The following PCED1A variants were observed in gnomAD, a reference collection of about 807,000 sequenced individuals.
The protein encoded by PCED1A is PC-esterase domain-containing protein 1A.
A neutral mutation model predicts 41.9 loss-of-function variants in PCED1A; 20 were observed. The observed-to-expected ratio is 0.48, with a 90% CI of 0.34 to 0.69. The LOEUF (loss-of-function observed/expected upper bound fraction) is 0.69, where lower values mean the gene tolerates loss of function less well. Ranked by LOEUF, PCED1A falls within the 30% of genes least tolerant of loss-of-function variation. PCED1A has a pLI of 0.01. For synonymous variants in PCED1A, 236 were observed against 241.3 expected, an observed-to-expected ratio of 0.98 and a Z score of 0.20; for missense variants, 498 against 602.1, an observed-to-expected ratio of 0.83 and a Z score of 1.81.
chr20:2,840,639 A>C lies in PCED1A; in HGVS notation c.-450T>G, dbSNP rs1257530163. 2 of 956,992 alleles carry C rather than the reference A, an allele frequency of 2.1e-6. No individual in the cohort carries two copies. The highest frequency in any genetic ancestry group is 4.2e-5 in the Admixed American group (2 of 47,268). 59.3% of individuals were successfully genotyped at this position (956,992 alleles called of 1,614,324 possible). ...GGGGTCTCGGGGCGGCAGCCAAGTG[A>C]GGCTGCCCACAGTGGTGATGGCCGC... On this transcript the variant is annotated 5_prime_UTR_variant, in exon 1 of 8. Transcript: ENST00000360652.
chr20:2,840,857 C>T, upstream of PCED1A: 2 of 1,540,992 alleles, frequency 1.3e-6, no homozygotes, highest in South Asian at 2.4e-5. Context: ...CGCCCACGGC[C>T]TGGCTTACCC....
At chr20:2,840,999 C>A (rs900421474), upstream of PCED1A, 1 of 621,794 alleles carries the variant, frequency 1.6e-6, no homozygotes, top group Admixed American at 3.1e-5. Context: ...GGGAGCCGGG[C>A]CTTCCCCTGC....
Position 2,840,205 on chromosome 20 carries a change from A to G in PCED1A, c.-22+6T>C, listed in dbSNP as rs1343036917. 3.3e-6 allele frequency: 1 copy of G among 303,202 alleles called. No individual in the cohort carries two copies. Among genetic ancestry groups the G allele is most frequent in the Admixed American group, 5.3e-5 (1 of 18,956 alleles). The allele number at this position is 303,202 out of a possible 1,614,324, so 18.8% of individuals were successfully genotyped here. ...GCGCATGCGCGCACCCGCTCGCGCC[A>G]ATTACCAAGTCCCGGGGCTCCGCGG... is the stretch of plus-strand genomic sequence containing the variant. On this transcript the variant is annotated splice_donor_region_variant and intron_variant, in intron 1 of 7. Coordinates refer to ENST00000360652, the MANE Select transcript of PCED1A (RefSeq NM_022760.6).
chr20:2,838,454 G>A lies in PCED1A; in HGVS notation c.619C>T (p.Arg207Trp), dbSNP rs771637059. 5.6e-6 allele frequency: 9 copies of A among 1,614,222 alleles called. No individual in the cohort carries two copies. The highest frequency in any genetic ancestry group is 1.7e-5 in the Admixed American group (1 of 60,030). The change falls in exon 6 of 8, where the codon CGG becomes TGG. Residue 207 changes from arginine (R) to tryptophan (W), a missense_variant. By Grantham distance (101) the Arg-to-Trp change is moderately radical. Transcript: ENST00000360652. The surrounding 1 kb of genome is among the most constrained non-coding windows in gnomAD (Gnocchi z 5.8). Reference sequence around the variant, plus strand: ...AAGTTCCCTTCAACCACATCCCGCCGCAGGGAGCCTGCCAGGGGCTGGAGC... The same window carrying A: ...AAGTTCCCTTCAACCACATCCCGCCACAGGGAGCCTGCCAGGGGCTGGAGC... ...PELQPLAGSLRRDVVEGNFYS... is the reference protein window; with the variant it reads ...PELQPLAGSLWRDVVEGNFYS...
In PCED1A at chr20:2,838,713, C is replaced by T. The variant is rs1242061597; in HGVS notation, c.477G>A (p.Glu159=). 2.5e-6 allele frequency: 4 copies of T among 1,614,204 alleles called. No homozygotes were observed. In the Admixed American group the frequency reaches 5.0e-5, roughly 20 times the overall value. ...YGRCSMESYR[E]NLERVFVRMD... is the part of the protein sequence containing the mutation. ...TGCGCACAAACACCCGCTCCAGGTT[C>T]TCCCGGTAGCTCTCCATTGAGCAGC... Residue 159 remains glutamate (E), a synonymous_variant, in exon 5 of 8, where the codon GAG becomes GAA. Transcript: ENST00000360652. This position sits in a 1 kb window ranked among gnomAD's most constrained non-coding sequence, Gnocchi z 5.8.
chr20:2,840,835 G>GGGGCC, upstream of PCED1A: 14 of 1,523,518 alleles, frequency 9.2e-6, no homozygotes, highest in Non-Finnish European at 1.1e-5. Context: ...CCGGTGAGCT[G>GGGGCC]CCCCGCCCTC....
At chr20:2,840,744 C>G (rs1485738250), upstream of PCED1A, 4 of 1,547,248 alleles carry the variant, frequency 2.6e-6, no homozygotes, top group African/African-American at 4.1e-5. Flanking sequence ...GGTGTCCCCT[C>G]GGTGCTTCCC....
upstream of PCED1A, chr20:2,840,835 G>GCGCCCCCC: frequency 4.6e-6 from 7 of 1,524,166 alleles, no homozygotes; most frequent in Non-Finnish European, 5.3e-6. Flanking sequence ...CCGGTGAGCT[G>GCGCCCCCC]CCCCGCCCTC....
chr20:2,840,835 G>GCGGC, upstream of PCED1A: 3 of 1,524,298 alleles, frequency 2.0e-6, no homozygotes, highest in Non-Finnish European at 2.7e-6. Context: ...CCGGTGAGCT[G>GCGGC]CCCCGCCCTC....
chr20:2,838,642 G>A lies in PCED1A; in HGVS notation c.548C>T (p.Ala183Val). Residue 183 changes from alanine to valine, a missense_variant, in exon 5 of 8, where the codon GCG becomes GTG. Coordinates refer to ENST00000360652, the MANE Select transcript of PCED1A (RefSeq NM_022760.6). This position sits in a 1 kb window ranked among gnomAD's most constrained non-coding sequence, Gnocchi z 5.8. The stretch of plus-strand genomic sequence containing the variant: ...AGTGATACGTTCCCCGAGGGGCATC[G>A]CCATGTTCCACACCAGCAGGCAGGA... Reference protein sequence around the residue: ...PDSCLLVWNMAMPLGERITGG... With the variant: ...PDSCLLVWNMVMPLGERITGG... 4 of 1,614,170 alleles carry A rather than the reference G, an allele frequency of 2.5e-6. No homozygotes were observed. Among genetic ancestry groups the A allele is most frequent in the South Asian group, 1.1e-5 (1 of 91,090 alleles).
intron 1 of PCED1A, 84 bp downstream of exon 1, chr20:2,840,127 G>A (rs915639488): frequency 4.0e-6 from 2 of 499,636 alleles, no homozygotes; most frequent in Non-Finnish European, 6.8e-6. Context: ...GGGCACTGGG[G>A]AGCTTCCCGC....
At chr20:2,840,794 A>C (rs1467457204), upstream of PCED1A, 1 of 1,548,332 alleles carries the variant, frequency 6.5e-7, no homozygotes, top group South Asian at 1.2e-5. Flanking sequence ...TACACGGCGA[A>C]CTGGAACCCA....
At chr20:2,839,442 G>T (rs563850831) in intron 2 of PCED1A, among the ~76,000 whole-genome samples, 171 bp from the exon 3 acceptor site, 8 of 152,316 alleles carry the variant, frequency 5.3e-5, no homozygotes, top group Admixed American at 1.3e-4. Context: ...CCTCTGTTCT[G>T]TGTGCCTCCT....
chr20:2,835,464 A>G lies in PCED1A; in HGVS notation c.1363T>C (p.Ter455GlnextTer41). ...PPAHSGTWPG[*>Q] ...CCAGTCCCAGCCCAAGATCCAGTCT[A>G]CCCAGGCCATGTCCCCGAATGGGCA... Residue 455 changes from the stop codon to glutamine, a stop_lost, in exon 8 of 8, where the codon TAG (stop) becomes CAG (glutamine). Coordinates refer to ENST00000360652, the MANE Select transcript of PCED1A (RefSeq NM_022760.6). 1 of 1,607,948 alleles carries G rather than the reference A, an allele frequency of 6.2e-7. No homozygotes were observed.
intron 7 of PCED1A, 127 bp from the exon 8 acceptor site, chr20:2,835,836 T>C: frequency 6.8e-7 from 1 of 1,473,154 alleles, no homozygotes; most frequent in South Asian, 1.4e-5. Flanking sequence ...GGATAGTCCT[T>C]CCCCTACCTT....
At position 2,835,695 on chromosome 20, in the gene PCED1A, C is replaced by T; in HGVS notation, c.1132G>A (p.Val378Met). The T allele has an allele frequency of 3.8e-6, 6 of 1,561,100 alleles. No homozygotes were observed. Among genetic ancestry groups the T allele is most frequent in the Non-Finnish European group, 5.2e-6 (6 of 1,148,744 alleles). The change falls in exon 8 of 8, where the codon GTG becomes ATG. Residue 378 changes from valine to methionine, a missense_variant. Physicochemically the swap from Val to Met is conservative, Grantham distance 21. This residue lies in a region of PCED1A where 245 missense variants were observed against 232.4 expected (regional missense o/e 1.05). Coordinates refer to ENST00000360652, the MANE Select transcript of PCED1A (RefSeq NM_022760.6). Reference sequence around the variant, plus strand: ...GGCAGAGGGCCAGGCACAAAGTTCACTCCAGGGCCACATCCTACAAAAGAA... The same window carrying T: ...GGCAGAGGGCCAGGCACAAAGTTCATTCCAGGGCCACATCCTACAAAAGAA... ...MPPHLGCGPG[V>M]NFVPGPLPPP... is the part of the protein sequence containing the mutation.
rs763018980 is a variant in PCED1A, at chr20:2,836,364, G to GA, written c.842-51dup. 3 of 1,496,990 alleles carry GA rather than the reference G, an allele frequency of 2.0e-6. No homozygotes were observed. In the African/African-American group the frequency reaches 4.1e-5, roughly 21 times the overall value. The allele number at this position is 1,496,990 out of a possible 1,614,324, so 92.7% of individuals were successfully genotyped here. ...GTAGGCTTGGGAGCCAGGCTGCCCT[G>GA]AACTCTGGCCATCCACACTTCTAAA... On this transcript the variant is annotated intron_variant, in intron 6 of 7. Coordinates refer to ENST00000360652, the MANE Select transcript of PCED1A (RefSeq NM_022760.6).
chr20:2,835,751 G>C (rs373677278), intron 7 of PCED1A, 42 bp from the exon 8 acceptor site: 17 of 1,517,056 alleles, frequency 1.1e-5, no homozygotes, highest in Non-Finnish European at 1.5e-5. Flanking sequence ...CTTCTGGCCA[G>C]AGTGAGTGCA....
intron 2 of PCED1A, 113 bp downstream of exon 2, chr20:2,839,676 C>T (rs1022957425): frequency 1.8e-5 from 26 of 1,466,400 alleles, no homozygotes; most frequent in East Asian, 9.2e-5. Context: ...ACCTACTGGA[C>T]GGAACAGACC....
Sources: gnomAD v4.1 joint callset for allele counts (sites outside exome capture counted in the v4.1 genomes callset) on GRCh38, gnomAD v4.1.1 for gene constraint, gnomAD v4.1.1 regional missense constraint, Gnocchi (gnomAD v3.1) non-coding constraint, MANE v1.5 for transcripts, NCBI Gene and HGNC (gene_info 2026-07-23, HGNC 2026-07-21) for gene names.